Variants in TGIF2 observed in about 807,000 individuals in gnomAD.
The protein encoded by TGIF2 is TGFB induced factor homeobox 2.
Under a neutral mutation model 15.1 loss-of-function variants are expected in TGIF2, and 5 were observed. The observed-to-expected ratio is 0.33, with a 90% CI of 0.17 to 0.70. The LOEUF (loss-of-function observed/expected upper bound fraction) is 0.70, where lower values mean the gene tolerates loss of function less well. Ranked by LOEUF, TGIF2 falls within the 30% of genes least tolerant of loss-of-function variation. TGIF2 has a pLI of 0.67. For synonymous variants in TGIF2, 131 were observed against 128.9 expected, an observed-to-expected ratio of 1.02 and a Z score of -0.11; for missense variants, 264 against 302.5, an observed-to-expected ratio of 0.87 and a Z score of 0.94.
chr20:36,587,378 A>G (rs2038681545), intron 2 of TGIF2, among the ~76,000 whole-genome samples: 1 of 152,124 alleles, frequency 6.6e-6, no homozygotes, highest in Non-Finnish European at 1.5e-5. Context: ...ATGCTGAGAA[A>G]TGCCCAGACT....
At chr20:36,579,315 G>T (rs1048154333) in intron 2 of TGIF2, among the ~76,000 whole-genome samples, 1 of 152,104 alleles carries the variant, frequency 6.6e-6, no homozygotes, top group Non-Finnish European at 1.5e-5. Context: ...GGGATTACAG[G>T]CGCCCGCCAC....
chr20:36,576,225 G>A, intron 1 of TGIF2, among the ~76,000 whole-genome samples: 1 of 152,190 alleles, frequency 6.6e-6, no homozygotes, highest in Non-Finnish European at 1.5e-5. Context: ...GTGAAGAGGG[G>A]ACTCAAGCCC....
In TGIF2 at chr20:36,575,819, G is replaced by C. The variant is rs6101337; in HGVS notation, c.-35+2074G>C. On this transcript the variant is annotated intron_variant, in intron 1 of 2. Transcript: ENST00000373872. ...TTTTAAAATGAAAATCTGGCTGGGC[G>C]GGGTGGCTCACACCTGTAATCCCAG... Among the ~76,000 whole-genome samples, 938 of 152,256 alleles carry C rather than the reference G, an allele frequency of 6.2e-3. 11 individuals are homozygous for C. The highest frequency in any genetic ancestry group is 0.021 in the African/African-American group (882 of 41,564).
At chr20:36,584,774 C>T (rs1292582118) in intron 2 of TGIF2, among the ~76,000 whole-genome samples, 3 of 152,064 alleles carry the variant, frequency 2.0e-5, no homozygotes, top group African/African-American at 4.8e-5. Context: ...CTCGAACTCC[C>T]GACCTCAGGT....
chr20:36,590,562 CTGTT>C (rs978841125), intron 2 of TGIF2, among the ~76,000 whole-genome samples: 20 of 146,136 alleles, frequency 1.4e-4, no homozygotes, highest in Non-Finnish European at 4.6e-5. Flanking sequence ...TGCTTCATAG[CTGTT>C]TGTTTTGGTT....
At chr20:36,579,442 A>T (rs183422813) in intron 2 of TGIF2, among the ~76,000 whole-genome samples, 7 of 152,330 alleles carry the variant, frequency 4.6e-5, no homozygotes, top group African/African-American at 1.4e-4. Flanking sequence ...AAGTGCTGGG[A>T]TTACAGGCGT....
At chr20:36,590,862 A>T (rs765803211) in intron 2 of TGIF2, 48 bp from the exon 3 acceptor site, 4 of 1,496,850 alleles carry the variant, frequency 2.7e-6, no homozygotes, top group Non-Finnish European at 3.6e-6. Context: ...CCCAGCCCAT[A>T]GCTGTTTTAG....
At chr20:36,577,146 T>C (rs2038446512) in intron 1 of TGIF2, among the ~76,000 whole-genome samples, 1 of 152,118 alleles carries the variant, frequency 6.6e-6, no homozygotes, top group South Asian at 2.1e-4. Context: ...TCAGAATAGC[T>C]GGGACTACTG....
chr20:36,573,997 G>T (rs917177736), intron 1 of TGIF2, among the ~76,000 whole-genome samples: 2 of 151,674 alleles, frequency 1.3e-5, no homozygotes, highest in East Asian at 2.0e-4. Flanking sequence ...GGGCCCTGGT[G>T]GGGGGCCCAG....
At chr20:36,573,552 G>C (rs1047567279), upstream of TGIF2, 1 of 151,730 alleles carries the variant, frequency 6.6e-6, no homozygotes, top group Non-Finnish European at 1.5e-5. Context: ...GGGCGGGTGG[G>C]GGAGGGCGCA....
rs550231100 is a variant in TGIF2, at chr20:36,593,161, T to C, written c.*1730T>C. The C allele has an allele frequency of 6.5e-6, 1 of 152,746 alleles. No homozygotes were observed. Among genetic ancestry groups the C allele is most frequent in the South Asian group, 2.1e-4 (1 of 4,830 alleles). 9.5% of individuals were successfully genotyped at this position (152,746 alleles called of 1,614,324 possible). On this transcript the variant is annotated 3_prime_UTR_variant, in exon 3 of 3. Coordinates refer to ENST00000373872, the MANE Select transcript of TGIF2 (RefSeq NM_021809.7). ...AGGTTATTGCTAGCCAAAATATTTTTGTCCTGAGTAGTGTCACTGGGCCAA... is the reference window on the plus strand; with the variant it reads ...AGGTTATTGCTAGCCAAAATATTTTCGTCCTGAGTAGTGTCACTGGGCCAA...
chr20:36,576,023 T>C (rs1249428162), intron 1 of TGIF2, among the ~76,000 whole-genome samples: 1 of 150,660 alleles, frequency 6.6e-6, no homozygotes, highest in East Asian at 1.9e-4. Context: ...ACCTGGGAGA[T>C]GGAGATTGCA....
At position 36,591,426 on chromosome 20, in the gene TGIF2, C is replaced by T; in HGVS notation, c.709C>T (p.Gln237Ter). Residue 237 changes from glutamine (Q) to a stop codon, truncating the protein, a stop_gained, in exon 3 of 3, where the codon CAG (glutamine) becomes TAG (stop). Coordinates refer to ENST00000373872, the MANE Select transcript of TGIF2 (RefSeq NM_021809.7). LOFTEE classifies it high-confidence loss of function. The surrounding 1 kb of genome is among the most constrained non-coding windows in gnomAD (Gnocchi z 5.3). ...TPIPLVSENP[Q>*] ...CATCCCTTTAGTCTCTGAAAATCCC[C>T]AGTAGGCATCTGCCAAGAAGGGTGC... The T allele has an allele frequency of 1.9e-6, 3 of 1,603,000 alleles. No homozygotes were observed. The highest frequency in any genetic ancestry group is 2.6e-6 in the Non-Finnish European group (3 of 1,172,226).
At position 36,578,821 on chromosome 20, in the gene TGIF2, C is replaced by A. The variant is rs371719080; in HGVS notation, c.47C>A (p.Ala16Glu). Residue 16 changes from alanine to glutamate, a missense_variant, in exon 2 of 3, where the codon GCG becomes GAG. Physicochemically the swap from Ala to Glu is moderately radical, Grantham distance 107 (BLOSUM62 -1). Coordinates refer to ENST00000373872, the MANE Select transcript of TGIF2 (RefSeq NM_021809.7). ...LGEDEGLLSLAGKRKRRGNLP... is the reference protein window; with the variant it reads ...LGEDEGLLSLEGKRKRRGNLP... ...GAGGACGAAGGCCTCCTCTCCCTGG[C>A]GGGCAAAAGGAAGCGCAGGGGGAAC... The A allele has an allele frequency of 1.3e-5, 21 of 1,614,070 alleles. No homozygotes were observed. The East Asian group carries it at 4.7e-4, about 36-fold the overall frequency.
At chr20:36,585,181 A>G (rs532205214) in intron 2 of TGIF2, among the ~76,000 whole-genome samples, 1 of 149,152 alleles carries the variant, frequency 6.7e-6, no homozygotes, top group South Asian at 2.1e-4. Context: ...CTGGGCAACA[A>G]GAGTGAAACT....
At chr20:36,583,865 C>T (rs141337154) in intron 2 of TGIF2, among the ~76,000 whole-genome samples, 3 of 152,230 alleles carry the variant, frequency 2.0e-5, no homozygotes, top group African/African-American at 7.2e-5. Flanking sequence ...CCACCGCACT[C>T]CAGCCGGGGC....
At position 36,580,765 on chromosome 20, in the gene TGIF2, G is replaced by C. The variant is rs191541041; in HGVS notation, c.192+1799G>C. On this transcript the variant is annotated intron_variant, in intron 2 of 2. Coordinates refer to ENST00000373872, the MANE Select transcript of TGIF2 (RefSeq NM_021809.7). ...GGAGGTGGAGGCTGCAGTGAGCTGTGATCGCACCACTGCACTCCAGACTGG... is the reference window on the plus strand; with the variant it reads ...GGAGGTGGAGGCTGCAGTGAGCTGTCATCGCACCACTGCACTCCAGACTGG... Among the ~76,000 whole-genome samples the C allele has an allele frequency of 3.8e-5, 5 of 132,940 alleles. No individual in the cohort carries two copies. In the Admixed American group the frequency reaches 4.4e-4, roughly 12 times the overall value. The allele number at this position is 132,940 out of a possible 152,430, so 87.2% of individuals were successfully genotyped here.
intron 2 of TGIF2, 105 bp downstream of exon 2, chr20:36,579,071 G>A (rs1447173654): frequency 2.8e-6 from 4 of 1,441,198 alleles, no homozygotes; most frequent in Non-Finnish European, 3.7e-6. Context: ...CACTTTCACT[G>A]TCTGGGCTTC....
intron 2 of TGIF2, among the ~76,000 whole-genome samples, chr20:36,583,090 T>A (rs2038578327): frequency 6.6e-6 from 1 of 151,336 alleles, no homozygotes; most frequent in African/African-American, 2.4e-5. Flanking sequence ...GAGGCCAGCC[T>A]GGTTAACATG....
Sources: allele counts gnomAD v4.1 joint callset (sites outside exome capture counted in the v4.1 genomes callset), GRCh38; gene constraint gnomAD v4.1.1; non-coding constraint Gnocchi (gnomAD v3.1); transcripts MANE v1.5; gene names NCBI Gene and HGNC (gene_info 2026-07-23, HGNC 2026-07-21).